The following WWOX variants were observed in gnomAD, a reference collection of about 807,000 sequenced individuals.
WWOX encodes WW domain-containing oxidoreductase.
Under a neutral mutation model 46.2 loss-of-function variants are expected in WWOX, and 69 were observed. The observed-to-expected ratio is 1.49, with a 90% CI of 1.23 to 1.82. WWOX has a LOEUF of 1.82. Ranked by LOEUF, WWOX falls within the 40% of genes most tolerant of loss-of-function variation. WWOX has a pLI of 0.00. For synonymous variants in WWOX, 359 were observed against 202.6 expected (o/e 1.77, Z -6.56); for missense variants, 919 against 542.6 (o/e 1.69, Z -6.89).
At chr16:78,804,838 A>G (rs1015865315) in intron 8 of WWOX, among the ~76,000 whole-genome samples, 9 of 152,362 alleles carry the variant, frequency 5.9e-5, no homozygotes, top group Non-Finnish European at 1.2e-4. Context: ...TACCTTAGGC[A>G]TTCTGTGATC....
At chr16:78,547,498 C>T (rs546632642) in intron 8 of WWOX, among the ~76,000 whole-genome samples, 1 of 152,306 alleles carries the variant, frequency 6.6e-6, no homozygotes, top group African/African-American at 2.4e-5. Context: ...GTATTAGTTA[C>T]AAGTGATTCT....
In WWOX at chr16:78,265,231, C is replaced by A. The variant is rs974617999; in HGVS notation, c.516+100942C>A. ...GGCCAGGCTGGTCTTGAACTCCTGACCCTGAGGCCCACCTTGGCCTCCCAA... is the reference window on the plus strand; with the variant it reads ...GGCCAGGCTGGTCTTGAACTCCTGAACCTGAGGCCCACCTTGGCCTCCCAA... On this transcript the variant is annotated intron_variant, in intron 5 of 8. Coordinates refer to ENST00000566780, the MANE Select transcript of WWOX (RefSeq NM_016373.4). Among the ~76,000 whole-genome samples the A allele has an allele frequency of 7.2e-5, 11 of 151,988 alleles. No individual in the cohort carries two copies. In the South Asian group the frequency reaches 2.3e-3, roughly 32 times the overall value.
chr16:78,921,243 C>T (rs7200433), intron 8 of WWOX, among the ~76,000 whole-genome samples: 19,719 of 152,076 alleles, frequency 0.13, 1,588 homozygotes, highest in African/African-American at 0.22. Flanking sequence ...GCCTCGAAAC[C>T]GCACTGTGCC....
At chr16:78,460,786 C>T (rs2083929965) in intron 8 of WWOX, among the ~76,000 whole-genome samples, 1 of 152,252 alleles carries the variant, frequency 6.6e-6, no homozygotes, top group Admixed American at 6.5e-5. Flanking sequence ...CGCCATCCTC[C>T]TGACCATAAA....
intron 8 of WWOX, among the ~76,000 whole-genome samples, chr16:79,114,869 G>C (rs117274780): frequency 4.6e-5 from 7 of 152,356 alleles, no homozygotes; most frequent in Non-Finnish European, 8.8e-5. Context: ...AATGGGCGTA[G>C]ATGTTGTTGT....
chr16:78,728,708 C>G (rs911822738), intron 8 of WWOX, among the ~76,000 whole-genome samples: 2 of 152,188 alleles, frequency 1.3e-5, no homozygotes, highest in African/African-American at 2.4e-5. Context: ...TCTGTATAGC[C>G]TTTTCCAGTT....
intron 8 of WWOX, among the ~76,000 whole-genome samples, chr16:79,090,237 T>C (rs998027681): frequency 6.6e-6 from 1 of 151,698 alleles, no homozygotes; most frequent in African/African-American, 2.4e-5. Flanking sequence ...CGGGTTAAGA[T>C]GCTAGCCTCG....
chr16:79,052,272 G>A (rs2048183094), intron 8 of WWOX, among the ~76,000 whole-genome samples: 1 of 145,624 alleles, frequency 6.9e-6, no homozygotes, highest in Admixed American at 7.2e-5. Context: ...TGTCACCTAT[G>A]AGTGAGAATA....
At chr16:78,614,965 G>C (rs940410841) in intron 8 of WWOX, among the ~76,000 whole-genome samples, 1 of 152,012 alleles carries the variant, frequency 6.6e-6, no homozygotes, top group African/African-American at 2.4e-5. Flanking sequence ...GTTGATACAT[G>C]TTTAATCACG....
Position 78,187,518 on chromosome 16 carries a change from G to A in WWOX, c.516+23229G>A, listed in dbSNP as rs572552934. 1.6e-3 allele frequency among the ~76,000 whole-genome samples: 240 copies of A among 152,258 alleles called. 1 individual carries two copies. The highest frequency in any genetic ancestry group is 5.5e-3 in the African/African-American group (230 of 41,556). ...CTTGGGAGGCTAAGGCAGGAGAATT[G>A]CTTGAACCGCGGAGGCAGAGATTGC... On this transcript the variant is annotated intron_variant, in intron 5 of 8. Transcript: ENST00000566780.
At chr16:79,120,283 CAG>C (rs1394348028) in intron 8 of WWOX, among the ~76,000 whole-genome samples, 1 of 152,134 alleles carries the variant, frequency 6.6e-6, no homozygotes, top group African/African-American at 2.4e-5. Flanking sequence ...ATATACCCTT[CAG>C]AGAGTCATTC....
intron 5 of WWOX, among the ~76,000 whole-genome samples, chr16:78,222,246 A>G (rs1394699535): frequency 6.6e-6 from 1 of 151,792 alleles, no homozygotes; most frequent in Non-Finnish European, 1.5e-5. Context: ...AGGGAGGCCA[A>G]GTGTTTTCCA....
intron 8 of WWOX, among the ~76,000 whole-genome samples, chr16:78,905,747 G>A (rs1253894436): frequency 6.6e-6 from 1 of 152,182 alleles, no homozygotes; most frequent in Admixed American, 6.5e-5. Context: ...CCGATCAAAT[G>A]TGAGCAGAAT....
chr16:78,596,003 T>C (rs2045480912), intron 8 of WWOX, among the ~76,000 whole-genome samples: 1 of 151,970 alleles, frequency 6.6e-6, no homozygotes, highest in South Asian at 2.1e-4. Context: ...ATACTCAGAG[T>C]GGGAAAAATA....
At position 78,170,582 on chromosome 16, in the gene WWOX, G is replaced by A. The variant is rs1281345769; in HGVS notation, c.516+6293G>A. Among the ~76,000 whole-genome samples the A allele has an allele frequency of 2.0e-5, 3 of 152,136 alleles. No individual in the cohort carries two copies. In the East Asian group the frequency reaches 5.8e-4, roughly 29 times the overall value. On this transcript the variant is annotated intron_variant, in intron 5 of 8. Transcript: ENST00000566780. ...TGGAGTTGCAATGAATTCTTTTTCT[G>A]TCTTCATATGTCTGGACTCCTACAT...
chr16:78,881,200 G>T (rs965029902), intron 8 of WWOX, among the ~76,000 whole-genome samples: 1 of 151,792 alleles, frequency 6.6e-6, no homozygotes, highest in Non-Finnish European at 1.5e-5. Context: ...ATGGGATTTT[G>T]CCATGTTGCC....
In WWOX at chr16:78,909,985, T is replaced by C. The variant is rs535050731; in HGVS notation, c.1057-301623T>C. Reference sequence around the variant, plus strand: ...ATAAAAGAATGCAATTCCACCTATATTTTGATTTAAGATCAAATTTTTGCA... The same window carrying C: ...ATAAAAGAATGCAATTCCACCTATACTTTGATTTAAGATCAAATTTTTGCA... On this transcript the variant is annotated intron_variant, in intron 8 of 8. Coordinates refer to ENST00000566780, the MANE Select transcript of WWOX (RefSeq NM_016373.4). Among the ~76,000 whole-genome samples the C allele has an allele frequency of 1.9e-4, 29 of 152,352 alleles. No individual in the cohort carries two copies. The South Asian group carries it at 5.8e-3, about 30-fold the overall frequency.
intron 8 of WWOX, among the ~76,000 whole-genome samples, chr16:78,583,424 A>G (rs1053601878): frequency 6.6e-6 from 1 of 152,182 alleles, no homozygotes; most frequent in African/African-American, 2.4e-5. Flanking sequence ...TGGTATCTTC[A>G]AAGGAATTTA....
intron 8 of WWOX, among the ~76,000 whole-genome samples, chr16:78,865,981 T>C (rs1324959942): frequency 6.6e-6 from 1 of 152,180 alleles, no homozygotes; most frequent in Admixed American, 6.5e-5. Flanking sequence ...AAACCGTAGG[T>C]GATCACATAC....
Sources: allele counts gnomAD v4.1 joint callset (sites outside exome capture counted in the v4.1 genomes callset), GRCh38; gene constraint gnomAD v4.1.1; transcripts MANE v1.5; gene names NCBI Gene and HGNC (gene_info 2026-07-23, HGNC 2026-07-21).